The following CCDC30 variants were observed in gnomAD, a reference collection of about 807,000 sequenced individuals.
CCDC30 encodes coiled-coil domain-containing protein 30.
CCDC30 carries 70 observed loss-of-function variants against 100.2 expected under a neutral mutation model. That is an observed-to-expected ratio of 0.70 (90% CI 0.58 to 0.85). The LOEUF is 0.85. CCDC30 is among the 40% of genes least tolerant of loss of function. The pLI is 0.00. For missense variants in CCDC30, 652 were observed against 771.2 expected (o/e 0.85, Z 1.83); for synonymous variants, 233 against 269.5 (o/e 0.86, Z 1.33).
exon 17 of CCDC30, chr1:42,653,826 G>A (rs773096458): frequency 1.2e-6 from 2 of 1,613,380 alleles, no homozygotes; most frequent in South Asian, 1.1e-5. Context: ...AGTTTTTCAG[G>A]AAAAGGTTTG....
chr1:42,627,467 G>A (rs1025952749), intron 11 of CCDC30, among the ~76,000 whole-genome samples: 10 of 152,186 alleles, frequency 6.6e-5, no homozygotes, highest in Non-Finnish European at 1.2e-4. Flanking sequence ...ATTTGCATAA[G>A]TAGCAAGAAG....
chr1:42,512,877 A>G (rs187851469), intron 6 of CCDC30, among the ~76,000 whole-genome samples: 1 of 152,220 alleles, frequency 6.6e-6, no homozygotes, highest in Non-Finnish European at 1.5e-5. Flanking sequence ...TCTCCTCAGT[A>G]CACCTCACCC....
chr1:42,545,772 C>T (rs528174222), intron 6 of CCDC30, among the ~76,000 whole-genome samples, 193 bp downstream of exon 9: 1 of 151,456 alleles, frequency 6.6e-6, no homozygotes, highest in African/African-American at 2.4e-5. Context: ...CATGGCAAAC[C>T]CCATCTCTAC....
chr1:42,475,974 A>C (rs1487156815), intron 1 of CCDC30, among the ~76,000 whole-genome samples: 1 of 152,208 alleles, frequency 6.6e-6, no homozygotes, highest in Non-Finnish European at 1.5e-5. Context: ...TTTAAATTGG[A>C]AATAAATGGA....
upstream of CCDC30, among the ~76,000 whole-genome samples, chr1:42,461,548 CTCTT>C (rs1162086198): frequency 1.4e-5 from 2 of 146,378 alleles, no homozygotes; most frequent in Non-Finnish European, 3.0e-5. Context: ...GTTACCCAGG[CTCTT>C]TTTTTTTTTT....
chr1:42,617,658 A>C (rs961696699), intron 11 of CCDC30, among the ~76,000 whole-genome samples: 8 of 152,184 alleles, frequency 5.3e-5, no homozygotes, highest in African/African-American at 1.9e-4. Flanking sequence ...TAAATCACAG[A>C]AAGTTGAAGC....
At chr1:42,606,169 A>G (rs1646498123) in intron 10 of CCDC30, among the ~76,000 whole-genome samples, 1 of 152,254 alleles carries the variant, frequency 6.6e-6, no homozygotes, top group African/African-American at 2.4e-5. Context: ...AGAAAGGTAA[A>G]CAAATGTAAA....
intron 6 of CCDC30, among the ~76,000 whole-genome samples, chr1:42,506,479 T>C (rs921546083): frequency 3.9e-5 from 6 of 152,254 alleles, no homozygotes; most frequent in African/African-American, 9.6e-5. Context: ...GTTATCTTTG[T>C]GGTTTACAAT....
intron 1 of CCDC30, among the ~76,000 whole-genome samples, chr1:42,477,569 A>G (rs578096583): frequency 1.3e-5 from 2 of 152,340 alleles, no homozygotes; most frequent in South Asian, 4.1e-4. Flanking sequence ...TGATGTCATT[A>G]TAATGCAAAA....
At chr1:42,556,656 C>T (rs137904802) in intron 6 of CCDC30, among the ~76,000 whole-genome samples, 47 of 152,280 alleles carry the variant, frequency 3.1e-4, no homozygotes, top group Admixed American at 1.2e-3. Context: ...AATCCAGGTA[C>T]ACTCTTTGAG....
chr1:42,651,791 T>G (rs1208789186), intron 15 of CCDC30, among the ~76,000 whole-genome samples: 2 of 152,142 alleles, frequency 1.3e-5, no homozygotes, highest in Non-Finnish European at 2.9e-5. Context: ...TGAGGATTCC[T>G]TAAGCCCAGG....
chr1:42,577,910 G>A (rs998052975), intron 8 of CCDC30, among the ~76,000 whole-genome samples: 2 of 152,156 alleles, frequency 1.3e-5, no homozygotes, highest in African/African-American at 2.4e-5. Context: ...AAAGTGCTGG[G>A]ATTACAGGCA....
At chr1:42,601,872 G>C (rs1461476588) in intron 10 of CCDC30, among the ~76,000 whole-genome samples, 1 of 152,196 alleles carries the variant, frequency 6.6e-6, no homozygotes, top group East Asian at 1.9e-4. Flanking sequence ...GGCGATGTGT[G>C]AGGTTTTGGA....
chr1:42,602,140 T>A (rs1646415796), intron 10 of CCDC30, among the ~76,000 whole-genome samples: 1 of 150,776 alleles, frequency 6.6e-6, no homozygotes, highest in Non-Finnish European at 1.5e-5. Flanking sequence ...AGGAAAAAAA[T>A]ATCTAAAATC....
intron 6 of CCDC30, among the ~76,000 whole-genome samples, chr1:42,538,392 A>G (rs1644949744): frequency 6.6e-6 from 1 of 152,070 alleles, no homozygotes; most frequent in Non-Finnish European, 1.5e-5. Context: ...ACCCTGGTTA[A>G]TTAAGTCACT....
intron 15 of CCDC30, among the ~76,000 whole-genome samples, chr1:42,649,549 G>A (rs1307008576): frequency 6.6e-6 from 1 of 152,160 alleles, no homozygotes; most frequent in Non-Finnish European, 1.5e-5. Flanking sequence ...ACAAGACAAG[G>A]ATGCCCACGC....
chr1:42,461,227 T>C (rs551152611), upstream of CCDC30, among the ~76,000 whole-genome samples: 1 of 152,250 alleles, frequency 6.6e-6, no homozygotes, highest in Non-Finnish European at 1.5e-5. Context: ...TTGAGAAGAT[T>C]TGACAGAAAT....
intron 9 of CCDC30, among the ~76,000 whole-genome samples, chr1:42,584,914 G>T (rs1333067308): frequency 6.6e-6 from 1 of 152,140 alleles, no homozygotes; most frequent in Admixed American, 6.5e-5. Context: ...AAATTACTTA[G>T]GAAGTGTCCC....
chr1:42,588,229 G>GTTTTTAATT (rs1179701061), intron 9 of CCDC30, among the ~76,000 whole-genome samples: 158 of 152,310 alleles, frequency 1.0e-3, no homozygotes, highest in African/African-American at 3.6e-3. Flanking sequence ...AAAACTGTAA[G>GTTTTTAATT]TGTAATTTCT....
Sources: allele counts gnomAD v4.1 joint callset (sites outside exome capture counted in the v4.1 genomes callset), GRCh38; gene constraint gnomAD v4.1.1; transcripts MANE v1.5; gene names NCBI Gene and HGNC (gene_info 2026-07-23, HGNC 2026-07-21).